Variants in DENND2A observed in about 807,000 individuals in gnomAD.
DENND2A encodes DENN domain-containing protein 2A.
A neutral mutation model predicts 105.3 loss-of-function variants in DENND2A; 53 were observed. That is an observed-to-expected ratio of 0.50 (90% confidence interval 0.40 to 0.63). The LOEUF is 0.63. Ranked by LOEUF, DENND2A falls within the 30% of genes least tolerant of loss-of-function variation. DENND2A has a pLI of 0.00. For missense variants in DENND2A, 1,138 were observed against 1,279.6 expected, an observed-to-expected ratio of 0.89 and a Z score of 1.69; for synonymous variants, 522 against 508.4, an observed-to-expected ratio of 1.03 and a Z score of -0.36.
At chr7:140,597,094 G>A (rs907342800) in intron 3 of DENND2A, among the ~76,000 whole-genome samples, 3 of 151,596 alleles carry the variant, frequency 2.0e-5, no homozygotes, top group African/African-American at 2.4e-5. Flanking sequence ...AGAAAAGGAG[G>A]GAAAAGGAAG....
At chr7:140,567,303 A>AG (rs763966797) in intron 8 of DENND2A, 30 bp from the exon 9 acceptor site, 19,295 of 770,148 alleles carry the variant, frequency 0.025, 363 homozygotes, top group African/African-American at 0.073. Flanking sequence ...AGAAAGAGAG[A>AG]AAGAGAGAGA....
At chr7:140,569,206 C>T (rs568961) in intron 7 of DENND2A, among the ~76,000 whole-genome samples, 66,626 of 152,064 alleles carry the variant, frequency 0.44, 15,013 homozygotes, top group African/African-American at 0.51. Flanking sequence ...GGATTACAGG[C>T]GTGAGCCACC....
At chr7:140,557,666 T>A (rs1423549711) in intron 11 of DENND2A, among the ~76,000 whole-genome samples, 36 of 143,368 alleles carry the variant, frequency 2.5e-4, no homozygotes, top group Admixed American at 1.6e-3. Flanking sequence ...CAGCCTCCCG[T>A]GTAGCTGGGA....
In DENND2A at chr7:140,557,436, C is replaced by T. The variant is rs542134933; in HGVS notation, c.1959+707G>A. ...AAAAGTATTTTCTTTCTGATGGAAA[C>T]GGACATTCCCACCTACCAATAAGAC... On this transcript the variant is annotated intron_variant, in intron 11 of 19. Transcript: ENST00000496613. Among the ~76,000 whole-genome samples the T allele has an allele frequency of 1.4e-4, 20 of 145,534 alleles. No individual in the cohort carries two copies. In the East Asian group the frequency reaches 1.7e-3, roughly 12 times the overall value.
chr7:140,547,903 C>T (rs2130532762), intron 12 of DENND2A, among the ~76,000 whole-genome samples: 1 of 152,228 alleles, frequency 6.6e-6, no homozygotes, highest in South Asian at 2.1e-4. Context: ...TATGATTCCA[C>T]TTAGATGAAA....
chr7:140,578,958 G>T (rs269216), intron 5 of DENND2A, among the ~76,000 whole-genome samples: 62,598 of 152,100 alleles, frequency 0.41, 13,178 homozygotes, highest in African/African-American at 0.46. Context: ...ATGGGATACC[G>T]TGCAGGCAAT....
intron 5 of DENND2A, 61 bp from the exon 6 acceptor site, chr7:140,574,069 A>G: frequency 6.3e-7 from 1 of 1,577,110 alleles, no homozygotes; most frequent in South Asian, 1.1e-5. Flanking sequence ...CCGGGGGATA[A>G]CTGGTGGTGC....
At chr7:140,622,242 A>C (rs1209376363) in intron 1 of DENND2A, among the ~76,000 whole-genome samples, 1 of 152,062 alleles carries the variant, frequency 6.6e-6, no homozygotes, top group African/African-American at 2.4e-5. Context: ...CTAAAAACAC[A>C]AAAATTAGCC....
intron 14 of DENND2A, among the ~76,000 whole-genome samples, chr7:140,533,450 C>G (rs1378089648): frequency 6.6e-6 from 1 of 152,186 alleles, no homozygotes. Flanking sequence ...AGAGAGGCCC[C>G]CAGGGCCTGG....
At chr7:140,615,717 T>G (rs1351655021) in intron 1 of DENND2A, among the ~76,000 whole-genome samples, 1 of 150,314 alleles carries the variant, frequency 6.7e-6, no homozygotes, top group Non-Finnish European at 1.5e-5. Flanking sequence ...TTTTTTTTTG[T>G]ATTTTTTTGT....
chr7:140,639,129 A>G (rs1341346720), intron 1 of DENND2A, among the ~76,000 whole-genome samples: 1 of 152,110 alleles, frequency 6.6e-6, no homozygotes, highest in Non-Finnish European at 1.5e-5. Context: ...AGGCGGGCAG[A>G]TCACCTGGGG....
At chr7:140,628,514 C>T (rs1278447234) in intron 1 of DENND2A, among the ~76,000 whole-genome samples, 2 of 151,668 alleles carry the variant, frequency 1.3e-5, no homozygotes, top group African/African-American at 4.8e-5. Context: ...ACGGGAAATC[C>T]CCTTTGGCCT....
At chr7:140,638,979 G>A (rs377368681) in intron 1 of DENND2A, among the ~76,000 whole-genome samples, 2 of 152,202 alleles carry the variant, frequency 1.3e-5, no homozygotes, top group East Asian at 3.8e-4. Context: ...CTGATGTCTA[G>A]CACGCATGCC....
chr7:140,592,130 T>C (rs187188216), intron 3 of DENND2A, among the ~76,000 whole-genome samples: 2,599 of 146,182 alleles, frequency 0.018, 76 homozygotes, highest in African/African-American at 0.062. Flanking sequence ...GCCTCTGCCC[T>C]CTGGGTTCAA....
chr7:140,626,367 G>A (rs892409031), intron 1 of DENND2A, among the ~76,000 whole-genome samples: 1 of 152,148 alleles, frequency 6.6e-6, no homozygotes, highest in Admixed American at 6.5e-5. Context: ...AGGCTTTCCT[G>A]CTGTTGGTTT....
chr7:140,622,481 C>A (rs1800330969), intron 1 of DENND2A, among the ~76,000 whole-genome samples: 1 of 152,044 alleles, frequency 6.6e-6, no homozygotes, highest in Admixed American at 6.6e-5. Flanking sequence ...ACTCTTTATC[C>A]AAATTCACCA....
intron 9 of DENND2A, among the ~76,000 whole-genome samples, chr7:140,564,400 T>C (rs1170294884): frequency 2.0e-5 from 3 of 152,158 alleles, no homozygotes; most frequent in Non-Finnish European, 2.9e-5. Flanking sequence ...TATTGGAACA[T>C]TGTATAACTT....
intron 14 of DENND2A, among the ~76,000 whole-genome samples, chr7:140,538,549 C>A (rs1796530332): frequency 6.6e-6 from 1 of 152,098 alleles, no homozygotes; most frequent in South Asian, 2.1e-4. Flanking sequence ...CTCTGTTGCC[C>A]AGGCTGGAGT....
intron 4 of DENND2A, among the ~76,000 whole-genome samples, chr7:140,586,098 T>C (rs1387665340): frequency 2.0e-5 from 3 of 152,146 alleles, no homozygotes; most frequent in Non-Finnish European, 4.4e-5. Context: ...TCAGGATTTC[T>C]GCTGGGACTT....
Sources: gnomAD v4.1 joint callset for allele counts (sites outside exome capture counted in the v4.1 genomes callset) on GRCh38, gnomAD v4.1.1 for gene constraint, MANE v1.5 for transcripts, NCBI Gene and HGNC (gene_info 2026-07-23, HGNC 2026-07-21) for gene names.